The following MAPK10 variants were observed in gnomAD, a reference collection of about 807,000 sequenced individuals.
MAPK10 encodes the protein JNK3 alpha protein kinase.
Under a neutral mutation model 59.3 loss-of-function variants are expected in MAPK10, and 25 were observed. The ratio of observed to expected loss-of-function variants is 0.42; its 90% confidence interval spans 0.31 to 0.59. The LOEUF (loss-of-function observed/expected upper bound fraction) is 0.59, where lower values mean the gene tolerates loss of function less well. Among genes scored for constraint, MAPK10 ranks in the 20% least tolerant of loss-of-function variants. The pLI, the probability that MAPK10 is intolerant of heterozygous loss-of-function variation, is 0.15. For synonymous variants in MAPK10, 190 were observed against 200.5 expected (o/e 0.95, Z 0.44); for missense variants, 351 against 568.9 (o/e 0.62, Z 3.90).
At chr4:86,138,438 A>C (rs1376762611) in intron 4 of MAPK10, among the ~76,000 whole-genome samples, 2 of 128,982 alleles carry the variant, frequency 1.6e-5, no homozygotes, top group African/African-American at 2.8e-5. Context: ...CAAAAACCAC[A>C]TGATTATCTC....
chr4:86,306,932 T>C (rs2095578828), intron 2 of MAPK10, among the ~76,000 whole-genome samples: 3 of 152,162 alleles, frequency 2.0e-5, no homozygotes, highest in African/African-American at 4.8e-5. Context: ...TCTGGGTATT[T>C]TACATGGCTG....
At chr4:86,390,162 TTCTC>T (rs1487080183) in intron 1 of MAPK10, among the ~76,000 whole-genome samples, 1 of 152,226 alleles carries the variant, frequency 6.6e-6, no homozygotes, top group Non-Finnish European at 1.5e-5. Flanking sequence ...AAAATTTTAT[TTCTC>T]TCTTATTTCA....
chr4:86,191,149 A>G (rs893384072), intron 3 of MAPK10, among the ~76,000 whole-genome samples: 1 of 152,126 alleles, frequency 6.6e-6, no homozygotes, highest in Non-Finnish European at 1.5e-5. Flanking sequence ...TTTGCTGAGG[A>G]GTGTTTTACT....
At chr4:86,481,790 C>A (rs1753633857) in intron 1 of MAPK10, among the ~76,000 whole-genome samples, 1 of 152,160 alleles carries the variant, frequency 6.6e-6, no homozygotes, top group South Asian at 2.1e-4. Context: ...TTCAAATTAA[C>A]CCCATGAAAT....
At chr4:86,214,129 T>C (rs2086664455) in intron 2 of MAPK10, among the ~76,000 whole-genome samples, 1 of 151,990 alleles carries the variant, frequency 6.6e-6, no homozygotes, top group Non-Finnish European at 1.5e-5. Flanking sequence ...AGGAAAACAT[T>C]ATGTGATTAT....
intron 2 of MAPK10, among the ~76,000 whole-genome samples, chr4:86,254,791 T>A (rs975534495): frequency 6.6e-6 from 1 of 151,426 alleles, no homozygotes; most frequent in African/African-American, 2.4e-5. Context: ...AGTCTCCCAT[T>A]ATTAATGTGT....
intron 3 of MAPK10, among the ~76,000 whole-genome samples, chr4:86,168,763 A>G (rs2072896566): frequency 6.6e-6 from 1 of 152,200 alleles, no homozygotes. Context: ...TGCCTCCTCA[A>G]GTGGGTCCCT....
chr4:86,178,953 A>G (rs1456507450), intron 3 of MAPK10, among the ~76,000 whole-genome samples: 1 of 152,170 alleles, frequency 6.6e-6, no homozygotes, highest in Non-Finnish European at 1.5e-5. Flanking sequence ...TTATAATCCC[A>G]GCACTTTGGG....
chr4:86,529,634 G>A (rs1398296708), intron 1 of MAPK10, among the ~76,000 whole-genome samples: 1 of 152,078 alleles, frequency 6.6e-6, no homozygotes, highest in Non-Finnish European at 1.5e-5. Flanking sequence ...AGAATGAATA[G>A]TCTGTACACA....
intron 4 of MAPK10, among the ~76,000 whole-genome samples, chr4:86,146,120 G>A (rs1388123030): frequency 6.6e-6 from 1 of 152,222 alleles, no homozygotes; most frequent in Non-Finnish European, 1.5e-5. Context: ...AGTTTCAACA[G>A]AGTAGAGTGC....
chr4:86,442,259 A>G (rs1351633354), intron 1 of MAPK10, among the ~76,000 whole-genome samples: 1 of 152,214 alleles, frequency 6.6e-6, no homozygotes, highest in Non-Finnish European at 1.5e-5. Flanking sequence ...CTTTCAAATT[A>G]TTTCAATATT....
chr4:86,385,353 G>A (rs935661792), intron 1 of MAPK10, among the ~76,000 whole-genome samples: 1 of 152,076 alleles, frequency 6.6e-6, no homozygotes, highest in African/African-American at 2.4e-5. Context: ...AAAGTTTAAT[G>A]AGGCAAAACT....
chr4:86,313,377 G>T (rs1024393083), intron 2 of MAPK10, among the ~76,000 whole-genome samples: 1 of 151,950 alleles, frequency 6.6e-6, no homozygotes, highest in African/African-American at 2.4e-5. Flanking sequence ...AAAAATAAAA[G>T]GTTGATATAT....
chr4:86,511,002 T>C (rs754888450), intron 1 of MAPK10, among the ~76,000 whole-genome samples: 27 of 152,238 alleles, frequency 1.8e-4, no homozygotes, highest in Non-Finnish European at 3.2e-4. Context: ...CAATAATTTA[T>C]TCTGTATTTC....
intron 1 of MAPK10, among the ~76,000 whole-genome samples, chr4:86,464,193 G>A (rs960945323): frequency 4.6e-5 from 7 of 152,218 alleles, no homozygotes; most frequent in African/African-American, 9.6e-5. Context: ...TTCTTAAAAC[G>A]AAACTGTTTC....
rs1241799786 is a variant in MAPK10 at position 86,013,356 on chromosome 4, G to A, written c.*3872C>T. The A allele has an allele frequency of 6.6e-6, 1 of 152,178 alleles. No homozygotes were observed. Among genetic ancestry groups the A allele is most frequent in the Non-Finnish European group, 1.5e-5 (1 of 68,026 alleles). 9.4% of individuals were successfully genotyped at this position (152,178 alleles called of 1,614,324 possible). ...ATGTGTGTGGGGGATTGTGAGTGGG[G>A]AGTTGGGTTCCTCTTTGGATGCAAA... On this transcript the variant is annotated 3_prime_UTR_variant, in exon 14 of 14. Transcript: ENST00000641462.
chr4:86,183,499 ATGGTG>A (rs1291443465), intron 3 of MAPK10, among the ~76,000 whole-genome samples: 3 of 151,960 alleles, frequency 2.0e-5, no homozygotes, highest in African/African-American at 7.3e-5. Flanking sequence ...ATAGTATTCC[ATGGTG>A]TATATGTGCC....
At chr4:86,369,430 T>C (rs2148991918) in intron 1 of MAPK10, among the ~76,000 whole-genome samples, 1 of 152,306 alleles carries the variant, frequency 6.6e-6, no homozygotes, top group Non-Finnish European at 1.5e-5. Context: ...CAAACAATAG[T>C]ACAAGTAATA....
chr4:86,140,171 T>A (rs1256395056), intron 4 of MAPK10, among the ~76,000 whole-genome samples: 1 of 139,280 alleles, frequency 7.2e-6, no homozygotes, highest in African/African-American at 3.0e-5. Flanking sequence ...GACACAGCCA[T>A]CCCATTACTG....
Sources: allele counts gnomAD v4.1 joint callset (sites outside exome capture counted in the v4.1 genomes callset), GRCh38; gene constraint gnomAD v4.1.1; transcripts MANE v1.5; gene names NCBI Gene and HGNC (gene_info 2026-07-23, HGNC 2026-07-21).